The following IARS1 variants were observed in gnomAD, a reference collection of about 807,000 sequenced individuals.
The protein encoded by IARS1 is isoleucyl-tRNA synthetase 1, also known as isoleucine--tRNA ligase, cytoplasmic.
IARS1 carries 124 observed loss-of-function variants against 168.2 expected under a neutral mutation model. That is an observed-to-expected ratio of 0.74 (90% CI 0.64 to 0.86). The LOEUF is 0.86. Ranked by LOEUF, IARS1 falls within the 40% of genes least tolerant of loss-of-function variation. The pLI is 0.00. For synonymous variants in IARS1, 532 were observed against 529.4 expected (o/e 1.00, Z -0.07); for missense variants, 1,452 against 1,515.8 (o/e 0.96, Z 0.70).
Position 92,244,992 on chromosome 9 carries a change from C to A in IARS1, c.2871G>T (p.Gly957=). 1 of 1,614,098 alleles carries A rather than the reference C, an allele frequency of 6.2e-7. No individual in the cohort carries two copies. The highest frequency in any genetic ancestry group is 8.5e-7 in the Non-Finnish European group (1 of 1,179,994). The change falls in exon 27 of 34, where the codon GGG becomes GGT. Residue 957 remains glycine, a synonymous_variant. Coordinates refer to ENST00000443024, the MANE Select transcript of IARS1 (RefSeq NM_002161.6). ...CTGAGTGTGCTTCAAATTGCGCAGTCCCACCTGTGGCCTGATCAAAGGTGT... is the reference window on the plus strand; with the variant it reads ...CTGAGTGTGCTTCAAATTGCGCAGTACCACCTGTGGCCTGATCAAAGGTGT... ...LMYTFDQATG[G]TAQFEAHSDA...
At chr9:92,270,082 A>G in intron 12 of IARS1, 99 bp from the exon 13 acceptor site, 1 of 696,628 alleles carries the variant, frequency 1.4e-6, no homozygotes, top group South Asian at 1.7e-5. Flanking sequence ...ATCATCACTT[A>G]CTTGGCCTTC....
At chr9:92,229,988 C>T (rs1017453909) in intron 30 of IARS1, among the ~76,000 whole-genome samples, 3 of 150,264 alleles carry the variant, frequency 2.0e-5, no homozygotes. Context: ...AGGCCCATTC[C>T]CTCCTTAATC....
intron 30 of IARS1, among the ~76,000 whole-genome samples, chr9:92,237,426 G>A (rs888945122): frequency 1.3e-5 from 2 of 152,136 alleles, no homozygotes; most frequent in African/African-American, 4.8e-5. Flanking sequence ...AATTGGTTGA[G>A]GTTTGTTTTA....
chr9:92,220,073 GAATACTATGCAGCCATAAA>G (rs1369637634), intron 33 of IARS1, among the ~76,000 whole-genome samples: 2 of 146,564 alleles, frequency 1.4e-5, no homozygotes, highest in Admixed American at 1.4e-4. Flanking sequence ...ATACAACATG[GAATACTATGCAGCCATAAA>G]AAATGATGAG....
intron 9 of IARS1, 49 bp downstream of exon 9, chr9:92,277,814 A>T: frequency 6.7e-7 from 1 of 1,503,472 alleles, no homozygotes; most frequent in Non-Finnish European, 9.2e-7. Flanking sequence ...CCCAGCTATC[A>T]AATAATCAGA....
intron 31 of IARS1, among the ~76,000 whole-genome samples, chr9:92,225,574 A>AT (rs35209758): frequency 0.15 from 21,539 of 144,190 alleles, 1,756 homozygotes; most frequent in South Asian, 0.3. Context: ...TAAAAGTGTG[A>AT]TTTTTTTTTT....
At position 92,288,279 on chromosome 9, in the gene IARS1, A is replaced by G. The variant is rs1185670969; in HGVS notation, c.123T>C (p.Phe41=). The part of the protein sequence containing the change: ...CLKQSKHKPK[F]TFYDGPPFAT... ...CAAAAGGAGGACCATCATAGAAGGT[A>G]AATCTAACAGGTAATAAAAATATAT... The change falls in exon 3 of 34, where the codon TTT becomes TTC. Residue 41 remains phenylalanine (F), a synonymous_variant. Coordinates refer to ENST00000443024, the MANE Select transcript of IARS1 (RefSeq NM_002161.6). The G allele has an allele frequency of 3.1e-6, 5 of 1,613,782 alleles. No individual in the cohort carries two copies. The highest frequency in any genetic ancestry group is 1.3e-5 in the African/African-American group (1 of 74,934).
rs1828326325 is a variant in IARS1, at chr9:92,241,061, G to C, written c.3178-100C>G. ...TGACTTCTCAGTAACAACAAGAGCT[G>C]TACACAATTGATAACATATTCAATC... On this transcript the variant is annotated intron_variant, in intron 29 of 33. Coordinates refer to ENST00000443024, the MANE Select transcript of IARS1 (RefSeq NM_002161.6). 3.3e-5 allele frequency: 22 copies of C among 670,272 alleles called. 1 individual carries two copies. In the South Asian group the frequency reaches 3.8e-4, roughly 12 times the overall value. 41.5% of individuals were successfully genotyped at this position (670,272 alleles called of 1,614,324 possible).
At chr9:92,223,228 G>A in intron 32 of IARS1, 118 bp downstream of exon 32, 1 of 875,824 alleles carries the variant, frequency 1.1e-6, no homozygotes, top group Non-Finnish European at 1.6e-6. Context: ...AGTTGCGTGA[G>A]AGCCCACACT....
chr9:92,235,513 ATTT>A (rs558342421), intron 30 of IARS1, among the ~76,000 whole-genome samples: 12 of 114,192 alleles, frequency 1.1e-4, no homozygotes, highest in East Asian at 9.8e-4. Flanking sequence ...AATTACATTG[ATTT>A]TTTTTTTTTT....
rs529237926 is a variant in IARS1, at chr9:92,249,164, G to A, written c.2616+694C>T. Among the ~76,000 whole-genome samples, 31 of 152,308 alleles carry A rather than the reference G, an allele frequency of 2.0e-4. No homozygotes were observed. In the South Asian group the frequency reaches 6.4e-3, roughly 32 times the overall value. On this transcript the variant is annotated intron_variant, in intron 25 of 33. Coordinates refer to ENST00000443024, the MANE Select transcript of IARS1 (RefSeq NM_002161.6). ...TCCAGGGAGAAATGGGGTGGAGAGA[G>A]GCTCCCTATGCTATTGCTTCGACTT...
chr9:92,236,188 TG>T (rs1191908382), intron 30 of IARS1, among the ~76,000 whole-genome samples: 2 of 152,176 alleles, frequency 1.3e-5, no homozygotes, highest in Admixed American at 1.3e-4. Flanking sequence ...TTCACCATGT[TG>T]GCCAGGCTGG....
chr9:92,243,008 C>A, intron 28 of IARS1: 1 of 471,520 alleles, frequency 2.1e-6, no homozygotes. Context: ...AAGGCACAGG[C>A]TGGCTGAAAG....
chr9:92,215,116 T>C (rs1057183781), intron 33 of IARS1, among the ~76,000 whole-genome samples: 3 of 152,204 alleles, frequency 2.0e-5, no homozygotes, highest in Non-Finnish European at 2.9e-5. Flanking sequence ...CCCTGACCCC[T>C]GACCCCCGAG....
At chr9:92,285,507 A>C (rs1431416549) in intron 6 of IARS1, among the ~76,000 whole-genome samples, 1 of 152,206 alleles carries the variant, frequency 6.6e-6, no homozygotes, top group Non-Finnish European at 1.5e-5. Flanking sequence ...AAGACACATC[A>C]TAAATCCAAT....
chr9:92,244,526 A>G (rs1378697626), intron 27 of IARS1, among the ~76,000 whole-genome samples: 1 of 130,696 alleles, frequency 7.7e-6, no homozygotes, highest in Non-Finnish European at 1.6e-5. Flanking sequence ...CTGGAATCTA[A>G]AACAGTTTGT....
chr9:92,221,877 C>T (rs754672258), intron 33 of IARS1, among the ~76,000 whole-genome samples: 1 of 152,018 alleles, frequency 6.6e-6, no homozygotes, highest in Admixed American at 6.5e-5. Context: ...ATTTTACAAC[C>T]CTGTGATAAT....
In IARS1 at chr9:92,268,192, G is replaced by C. The variant is rs1403695627; in HGVS notation, c.1413C>G (p.Val471=). Residue 471 remains valine (V), a synonymous_variant, in exon 14 of 34, where the codon GTC becomes GTG. Coordinates refer to ENST00000443024, the MANE Select transcript of IARS1 (RefSeq NM_002161.6). The part of the protein sequence containing the change: ...RYWGTPIPLW[V]SDDFEEVVCI... Reference sequence around the variant, plus strand: ...GCCTCACCTCCTCAAAGTCATCGCTGACCCACAGTGGGATGGGGGTGCCCC... The same window carrying C: ...GCCTCACCTCCTCAAAGTCATCGCTCACCCACAGTGGGATGGGGGTGCCCC... 1 of 1,602,476 alleles carries C rather than the reference G, an allele frequency of 6.2e-7. No individual in the cohort carries two copies. The highest frequency in any genetic ancestry group is 8.5e-7 in the Non-Finnish European group (1 of 1,176,838).
chr9:92,273,207 G>GTTA (rs2133888548), intron 10 of IARS1, among the ~76,000 whole-genome samples: 1 of 151,768 alleles, frequency 6.6e-6, no homozygotes, highest in South Asian at 2.1e-4. Context: ...CTAAGAGTGG[G>GTTA]GTAACCATAC....
Sources: allele counts gnomAD v4.1 joint callset (sites outside exome capture counted in the v4.1 genomes callset), GRCh38; gene constraint gnomAD v4.1.1; transcripts MANE v1.5; gene names NCBI Gene and HGNC (gene_info 2026-07-23, HGNC 2026-07-21).